ASTN2: variants seen among roughly 807,000 people sequenced by gnomAD.
ASTN2 encodes astrotactin 2, also known as astrotactin-2.
Under a neutral mutation model 139.8 loss-of-function variants are expected in ASTN2, and 54 were observed. The ratio of observed to expected loss-of-function variants is 0.39; its 90% confidence interval spans 0.31 to 0.48. The LOEUF is 0.48. ASTN2 is among the 20% of genes least tolerant of loss of function. The probability of loss-of-function intolerance (pLI) is 0.95; values close to 1 mark genes in which losing one functional copy is unlikely to be tolerated. For missense variants in ASTN2, 1,565 were observed against 1,725.1 expected (o/e 0.91, Z 1.64); for synonymous variants, 756 against 719.5 (o/e 1.05, Z -0.81).
At chr9:117,236,740 C>T (rs950313544) in intron 2 of ASTN2, among the ~76,000 whole-genome samples, 1 of 152,168 alleles carries the variant, frequency 6.6e-6, no homozygotes, top group African/African-American at 2.4e-5. Context: ...TGATCCCATG[C>T]AAAGGGTATC....
At chr9:117,242,863 C>T (rs1833256688) in intron 2 of ASTN2, among the ~76,000 whole-genome samples, 1 of 152,208 alleles carries the variant, frequency 6.6e-6, no homozygotes, top group African/African-American at 2.4e-5. Context: ...GTGTGTCACC[C>T]TCTGTGTGGT....
At chr9:117,287,001 A>C (rs192204351) in intron 2 of ASTN2, among the ~76,000 whole-genome samples, 2 of 152,344 alleles carry the variant, frequency 1.3e-5, no homozygotes, top group East Asian at 3.9e-4. Flanking sequence ...GGCAAGATGC[A>C]AAAATCCCAC....
intron 3 of ASTN2, among the ~76,000 whole-genome samples, chr9:117,157,379 A>G (rs114112907): frequency 0.012 from 1,782 of 152,152 alleles, 40 homozygotes; most frequent in African/African-American, 0.041. Flanking sequence ...TTTCAGAGTC[A>G]GTCCTCAAAA....
rs1011493976 is a variant in ASTN2, at chr9:116,597,955, T to C, written c.3355+20369A>G. On this transcript the variant is annotated intron_variant, in intron 19 of 22. Coordinates refer to ENST00000313400, the MANE Select transcript of ASTN2 (RefSeq NM_001365068.1). The stretch of plus-strand genomic sequence containing the variant: ...GAGCTGGAGACAAACCTGGCAATTA[T>C]AGATTAAAGGGCAATTATAACAGGG... 3.9e-5 allele frequency among the ~76,000 whole-genome samples: 6 copies of C among 152,328 alleles called. No individual in the cohort carries two copies. The South Asian group carries it at 8.3e-4, about 21-fold the overall frequency.
intron 13 of ASTN2, among the ~76,000 whole-genome samples, chr9:116,792,747 C>T (rs1830591059): frequency 6.6e-6 from 1 of 152,148 alleles, no homozygotes; most frequent in South Asian, 2.1e-4. Context: ...TTCCATGGAT[C>T]TCTAGTGCCA....
At position 116,425,761 on chromosome 9, in the gene ASTN2, C is replaced by G; in HGVS notation, c.*90G>C. On this transcript the variant is annotated 3_prime_UTR_variant, in exon 23 of 23. Transcript: ENST00000313400. ...ATCTGCTAGGCCCATCCTCAGCTGT[C>G]CCCCAGCCCACCCAGGCCCCAGGAT... 6.2e-7 allele frequency: 1 copy of G among 1,605,164 alleles called. No homozygotes were observed. Among genetic ancestry groups the G allele is most frequent in the South Asian group, 1.1e-5 (1 of 89,388 alleles).
intron 19 of ASTN2, among the ~76,000 whole-genome samples, chr9:116,548,251 C>T (rs1171849493): frequency 6.6e-6 from 1 of 152,122 alleles, no homozygotes; most frequent in South Asian, 2.1e-4. Flanking sequence ...GTGGCATTTG[C>T]TTAAGGTGAT....
chr9:116,566,884 G>A (rs1195290800), intron 19 of ASTN2, among the ~76,000 whole-genome samples: 1 of 152,136 alleles, frequency 6.6e-6, no homozygotes, highest in East Asian at 1.9e-4. Context: ...TTCACACAGG[G>A]TCAGACTCCC....
At chr9:116,974,991 A>G (rs1455304540) in intron 10 of ASTN2, among the ~76,000 whole-genome samples, 1 of 152,234 alleles carries the variant, frequency 6.6e-6, no homozygotes, top group Non-Finnish European at 1.5e-5. Context: ...TATATTTAAT[A>G]TAACCAAAAA....
intron 5 of ASTN2, among the ~76,000 whole-genome samples, chr9:117,074,677 T>G (rs982271374): frequency 1.2e-4 from 18 of 152,196 alleles, no homozygotes; most frequent in Non-Finnish European, 2.2e-4. Context: ...CAGTAGCAGC[T>G]GCTTTGATGG....
intron 20 of ASTN2, among the ~76,000 whole-genome samples, chr9:116,476,019 G>A (rs571601794): frequency 6.6e-6 from 1 of 152,248 alleles, no homozygotes; most frequent in Admixed American, 6.5e-5. Context: ...CACAAATTTG[G>A]TGGCTTAAAA....
At chr9:117,127,454 G>A (rs79782131) in intron 4 of ASTN2, among the ~76,000 whole-genome samples, 12 of 152,124 alleles carry the variant, frequency 7.9e-5, no homozygotes, top group East Asian at 7.7e-4. Flanking sequence ...TTCTCTCTAC[G>A]GAAAATACCC....
intron 5 of ASTN2, among the ~76,000 whole-genome samples, chr9:117,093,248 C>A (rs1179684859): frequency 6.6e-6 from 1 of 152,146 alleles, no homozygotes. Flanking sequence ...ATAGTAAATC[C>A]AATGGTCCTT....
At chr9:116,971,686 C>T (rs962806860) in intron 10 of ASTN2, among the ~76,000 whole-genome samples, 3 of 152,046 alleles carry the variant, frequency 2.0e-5, no homozygotes, top group African/African-American at 7.2e-5. Flanking sequence ...AGCCTTTCAG[C>T]GAAAACATGA....
chr9:116,454,112 A>G (rs1300232279), intron 20 of ASTN2, among the ~76,000 whole-genome samples: 3 of 152,212 alleles, frequency 2.0e-5, no homozygotes, highest in Admixed American at 1.3e-4. Context: ...CTCTTCCAAC[A>G]AGACAAAGGA....
At chr9:117,381,036 A>T (rs1830257175) in intron 1 of ASTN2, among the ~76,000 whole-genome samples, 1 of 152,224 alleles carries the variant, frequency 6.6e-6, no homozygotes, top group African/African-American at 2.4e-5. Context: ...GATAAATAAA[A>T]TGTAGTCTAT....
chr9:117,139,783 A>C (rs541969511), intron 4 of ASTN2, among the ~76,000 whole-genome samples: 2 of 152,322 alleles, frequency 1.3e-5, no homozygotes, highest in South Asian at 4.1e-4. Context: ...TACATGTATA[A>C]AGGAAAGCTG....
intron 16 of ASTN2, among the ~76,000 whole-genome samples, chr9:116,664,353 T>C (rs536071112): frequency 2.2e-3 from 337 of 151,268 alleles, no homozygotes; most frequent in African/African-American, 7.7e-3. Context: ...AGTGTTGGGA[T>C]TACAGTGTGA....
chr9:117,025,074 C>T (rs1458471672), intron 6 of ASTN2, among the ~76,000 whole-genome samples: 2 of 152,014 alleles, frequency 1.3e-5, no homozygotes, highest in African/African-American at 2.4e-5. Flanking sequence ...CTAGGATTAC[C>T]GAGTCTCGGG....
Sources: gnomAD v4.1 joint callset for allele counts (sites outside exome capture counted in the v4.1 genomes callset) on GRCh38, gnomAD v4.1.1 for gene constraint, MANE v1.5 for transcripts, NCBI Gene and HGNC (gene_info 2026-07-23, HGNC 2026-07-21) for gene names.